Variants in CORO7 observed in about 807,000 individuals in gnomAD.
CORO7 encodes coronin 7.
CORO7 carries 107 observed loss-of-function variants against 126.6 expected under a neutral mutation model. The observed-to-expected ratio is 0.85, with a 90% CI of 0.72 to 0.99. CORO7 has a LOEUF of 0.99. Among genes scored for constraint, CORO7 ranks in the 50% least tolerant of loss-of-function variants. The pLI, the probability that CORO7 is intolerant of heterozygous loss-of-function variation, is 0.00. For synonymous variants in CORO7, 603 were observed against 536.8 expected (o/e 1.12, Z -1.70); for missense variants, 1,314 against 1,255.8 (o/e 1.05, Z -0.70).
chr16:4,376,748 G>A (rs2054746422), intron 9 of CORO7, among the ~76,000 whole-genome samples: 1 of 152,138 alleles, frequency 6.6e-6, no homozygotes, highest in Admixed American at 6.5e-5. Context: ...CTGAAGTCCT[G>A]TGCTGAAGGG....
chr16:4,378,319 G>A (rs1596301726), intron 9 of CORO7, among the ~76,000 whole-genome samples: 1 of 151,948 alleles, frequency 6.6e-6, no homozygotes, highest in South Asian at 2.1e-4. Context: ...CGAGGCCCAA[G>A]GGGAGCTGCG....
chr16:4,397,015 C>CAAAAA (rs1236918347), intron 6 of CORO7, among the ~76,000 whole-genome samples: 1 of 120,202 alleles, frequency 8.3e-6, no homozygotes, highest in African/African-American at 3.4e-5. Context: ...GACTCAATCT[C>CAAAAA]AAAAAAAAAA....
intron 16 of CORO7, 77 bp downstream of exon 16, chr16:4,361,908 G>A: frequency 6.5e-7 from 1 of 1,540,822 alleles, no homozygotes; most frequent in Non-Finnish European, 8.8e-7. Context: ...CCTGTGTTGT[G>A]TGGGTAGCTA....
At position 4,412,402 on chromosome 16, in the gene CORO7, G is replaced by C; in HGVS notation, c.186C>G (p.Gly62=). The change falls in exon 3 of 28, where the codon GGC becomes GGG. Residue 62 remains glycine (G), a synonymous_variant. Coordinates refer to ENST00000251166, the MANE Select transcript of CORO7 (RefSeq NM_024535.5). ...PGVLGIVPLQ[G]QGEDKRRVAH... ...CCACGCGTCGCTTGTCCTCTCCTTG[G>C]CCTTGCAGAGGCACAATGCCCAGTA... 1 of 1,614,160 alleles carries C rather than the reference G, an allele frequency of 6.2e-7. No homozygotes were observed. The highest frequency in any genetic ancestry group is 8.5e-7 in the Non-Finnish European group (1 of 1,180,032).
intron 14 of CORO7, chr16:4,363,022 A>C (rs2054233460): frequency 5.7e-6 from 2 of 348,684 alleles, no homozygotes; most frequent in African/African-American, 2.1e-5. Flanking sequence ...AAGAGAAGCC[A>C]GAAATCTAGA....
intron 25 of CORO7, 160 bp downstream of exon 25, chr16:4,357,808 T>C: frequency 1.5e-6 from 2 of 1,309,980 alleles, no homozygotes; most frequent in Non-Finnish European, 2.0e-6. Context: ...CCACGAGCCC[T>C]GCCCTCCACT....
rs1047446031 is a variant in CORO7, at chr16:4,416,395, G to A, written c.60+64C>T. On this transcript the variant is annotated intron_variant, in intron 1 of 27. Transcript: ENST00000251166. ...TGGAGGGCACCCCTGTGGGGTCCGG[G>A]CAGGGGGAGGGGCAGCCGGACGGGG... 6.1e-6 allele frequency: 9 copies of A among 1,481,944 alleles called. No individual in the cohort carries two copies. In the African/African-American group the frequency reaches 1.2e-4, roughly 19 times the overall value. The allele number at this position is 1,481,944 out of a possible 1,614,324, so 91.8% of individuals were successfully genotyped here. A position where few individuals can be genotyped will look rare whatever the true frequency, so the allele number is the denominator to read the frequency against.
intron 6 of CORO7, among the ~76,000 whole-genome samples, chr16:4,399,764 G>A (rs1167330815): frequency 6.6e-6 from 1 of 152,072 alleles, no homozygotes; most frequent in Admixed American, 6.6e-5. Flanking sequence ...GGTGGCACGT[G>A]CTAGTAGTCC....
chr16:4,404,375 T>C (rs2055920739), intron 6 of CORO7, among the ~76,000 whole-genome samples: 2 of 152,198 alleles, frequency 1.3e-5, no homozygotes, highest in Non-Finnish European at 2.9e-5. Context: ...CCTTTGGCCC[T>C]GGTTTCAGGC....
In CORO7 at chr16:4,362,131, C is replaced by G. The variant is rs1359237611; in HGVS notation, c.1432G>C (p.Gly478Arg). ...TGGCTGTCTCGGTGCAGGACAGTGC[C>G]CTGAGCATGGCGGAACTTGGAACTG... ...GPSSKFRHAQ[G>R]TVLHRDSHIT... The change falls in exon 16 of 28, where the codon GGC becomes CGC. Residue 478 changes from glycine (G) to arginine (R), a missense_variant. Gly to Arg is a moderately radical substitution (Grantham distance 125). Coordinates refer to ENST00000251166, the MANE Select transcript of CORO7 (RefSeq NM_024535.5). The surrounding 1 kb of genome is among the most constrained non-coding windows in gnomAD (Gnocchi z 5.3). 2.5e-6 allele frequency: 4 copies of G among 1,610,590 alleles called. No homozygotes were observed. The highest frequency in any genetic ancestry group is 3.4e-6 in the Non-Finnish European group (4 of 1,179,300).
intron 9 of CORO7, among the ~76,000 whole-genome samples, chr16:4,374,597 C>T (rs527317012): frequency 5.3e-5 from 8 of 152,156 alleles, no homozygotes; most frequent in Middle Eastern, 3.4e-3. Flanking sequence ...CCCTGGGCCC[C>T]GAGCCCGGCT....
At chr16:4,380,441 T>C (rs1411822774) in intron 9 of CORO7, among the ~76,000 whole-genome samples, 1 of 152,258 alleles carries the variant, frequency 6.6e-6, no homozygotes, top group African/African-American at 2.4e-5. Context: ...GGCAGCCAGC[T>C]TCTCTGCTTA....
At chr16:4,381,602 CG>C in intron 9 of CORO7, 1 of 1,599,048 alleles carries the variant, frequency 6.3e-7, no homozygotes, top group Non-Finnish European at 8.5e-7. Flanking sequence ...CGGGGCCTGA[CG>C]CGCCTGCGGC....
chr16:4,393,521 G>C (rs986448654), intron 7 of CORO7, among the ~76,000 whole-genome samples: 1 of 152,206 alleles, frequency 6.6e-6, no homozygotes, highest in South Asian at 2.1e-4. Context: ...GGAACTGACT[G>C]TACCGTTTGG....
chr16:4,408,683 C>T (rs1354680375), intron 3 of CORO7, among the ~76,000 whole-genome samples: 1 of 152,220 alleles, frequency 6.6e-6, no homozygotes, highest in African/African-American at 2.4e-5. Context: ...TGAATGGTGG[C>T]CGGGCATGGT....
intron 25 of CORO7, chr16:4,357,495 G>A (rs2054015400): frequency 2.2e-6 from 1 of 462,156 alleles, no homozygotes; most frequent in Non-Finnish European, 3.8e-6. Flanking sequence ...GAGTAGTTGG[G>A]ATTGCAGGCG....
intron 9 of CORO7, chr16:4,380,950 C>T (rs1439263662): frequency 1.3e-6 from 2 of 1,599,712 alleles, no homozygotes; most frequent in Non-Finnish European, 1.7e-6. Context: ...GCAGGGCTGC[C>T]CATCCGGCTG....
intron 9 of CORO7, chr16:4,383,462 G>A (rs2055077850): frequency 6.0e-6 from 1 of 167,068 alleles, no homozygotes; most frequent in Non-Finnish European, 1.5e-5. Context: ...CAAGGACTTT[G>A]GTTTTTGTAA....
intron 3 of CORO7, among the ~76,000 whole-genome samples, chr16:4,410,376 G>A (rs948421246): frequency 5.9e-5 from 9 of 152,080 alleles, no homozygotes; most frequent in African/African-American, 2.2e-4. Flanking sequence ...AGTGAACTAT[G>A]ATTGCACCAC....
Sources: allele counts gnomAD v4.1 joint callset (sites outside exome capture counted in the v4.1 genomes callset), GRCh38; gene constraint gnomAD v4.1.1; non-coding constraint Gnocchi (gnomAD v3.1); transcripts MANE v1.5; gene names NCBI Gene and HGNC (gene_info 2026-07-23, HGNC 2026-07-21).